The following ADTRP variants were observed in gnomAD, a reference collection of about 807,000 sequenced individuals.
ADTRP encodes androgen dependent TFPI regulating protein.
ADTRP carries 20 observed loss-of-function variants against 27.0 expected under a neutral mutation model. That is an observed-to-expected ratio of 0.74 (90% CI 0.52 to 1.08). The LOEUF (loss-of-function observed/expected upper bound fraction) is 1.08, where lower values mean the gene tolerates loss of function less well. Ranked by LOEUF, ADTRP falls within the 50% of genes least tolerant of loss-of-function variation. The pLI is 0.00. For missense variants in ADTRP, 251 were observed against 275.0 expected (o/e 0.91, Z 0.62); for synonymous variants, 101 against 105.2 (o/e 0.96, Z 0.25).
chr6:11,756,602 G>A (rs1284321273), intron 3 of ADTRP, among the ~76,000 whole-genome samples: 1 of 152,144 alleles, frequency 6.6e-6, no homozygotes, highest in Non-Finnish European at 1.5e-5. Context: ...GTGAGTTAAG[G>A]AATAGAGTAA....
intron 5 of ADTRP, among the ~76,000 whole-genome samples, 189 bp from the exon 6 acceptor site, chr6:11,714,701 C>T (rs552338011): frequency 1.3e-4 from 20 of 152,210 alleles, no homozygotes; most frequent in African/African-American, 4.8e-4. Flanking sequence ...GAGAACAACT[C>T]TGCCGTCCTC....
At chr6:11,751,518 C>T (rs1314285385) in intron 3 of ADTRP, among the ~76,000 whole-genome samples, 1 of 152,122 alleles carries the variant, frequency 6.6e-6, no homozygotes, top group Non-Finnish European at 1.5e-5. Context: ...CCCCTCACCC[C>T]CCAACACTCC....
intron 3 of ADTRP, among the ~76,000 whole-genome samples, chr6:11,750,276 C>A (rs969250569): frequency 6.6e-6 from 1 of 152,176 alleles, no homozygotes; most frequent in African/African-American, 2.4e-5. Context: ...TGGTTAAATC[C>A]CTGAATGGCG....
chr6:11,741,923 TCA>T (rs1762732411), intron 3 of ADTRP, among the ~76,000 whole-genome samples: 1 of 152,102 alleles, frequency 6.6e-6, no homozygotes, highest in Non-Finnish European at 1.5e-5. Flanking sequence ...CACTCAAACT[TCA>T]TTCACTTTTC....
intron 3 of ADTRP, among the ~76,000 whole-genome samples, chr6:11,763,146 A>G (rs1763446538): frequency 1.3e-5 from 2 of 152,242 alleles, no homozygotes; most frequent in South Asian, 2.1e-4. Context: ...TGAATACACA[A>G]CAAAGGCAGG....
At chr6:11,726,719 G>A (rs185525858) in intron 4 of ADTRP, among the ~76,000 whole-genome samples, 2 of 152,352 alleles carry the variant, frequency 1.3e-5, no homozygotes, top group African/African-American at 2.4e-5. Flanking sequence ...TTCTGGAGAT[G>A]GATGGTGGTG....
chr6:11,735,531 G>T, intron 4 of ADTRP, 37 bp downstream of exon 4: 2 of 1,520,486 alleles, frequency 1.3e-6, no homozygotes, highest in South Asian at 2.3e-5. Flanking sequence ...GGTCTTGAAC[G>T]ACAAGCCTAA....
intron 5 of ADTRP, chr6:11,717,401 G>T (rs1432104227): frequency 2.3e-6 from 3 of 1,304,056 alleles, no homozygotes; most frequent in African/African-American, 1.5e-5. Flanking sequence ...ATCTTTGCAA[G>T]ATCTGAACAG....
At chr6:11,746,344 C>T (rs1480481058) in intron 3 of ADTRP, among the ~76,000 whole-genome samples, 4 of 152,166 alleles carry the variant, frequency 2.6e-5, no homozygotes, top group Non-Finnish European at 5.9e-5. Flanking sequence ...GGAGAAAGCG[C>T]TGTGGAGACA....
chr6:11,715,188 T>G (rs996017208), intron 5 of ADTRP, among the ~76,000 whole-genome samples: 8 of 128,254 alleles, frequency 6.2e-5, no homozygotes, highest in African/African-American at 2.8e-4. Flanking sequence ...CAATGCTACT[T>G]TAAAAACTTC....
At chr6:11,726,022 G>T (rs1037175855) in intron 4 of ADTRP, among the ~76,000 whole-genome samples, 23 of 152,008 alleles carry the variant, frequency 1.5e-4, no homozygotes, top group African/African-American at 5.6e-4. Context: ...ACTGATAGAT[G>T]AATGGATAAA....
Position 11,768,231 on chromosome 6 carries a change from C to T in ADTRP, c.288+18G>A, listed in dbSNP as rs1158321386. 13 of 1,613,764 alleles carry T rather than the reference C, an allele frequency of 8.1e-6. No homozygotes were observed. Among genetic ancestry groups the T allele is most frequent in the Admixed American group, 3.3e-5 (2 of 59,980 alleles). On this transcript the variant is annotated intron_variant, in intron 2 of 5. Coordinates refer to ENST00000414691, the MANE Select transcript of ADTRP (RefSeq NM_032744.4). ...ATGCACATTTCTGTTAGATTATGTA[C>T]ACATCTTTGAAACTTACCGTGGATA...
chr6:11,740,990 T>C (rs559819310), intron 3 of ADTRP, among the ~76,000 whole-genome samples: 3 of 152,272 alleles, frequency 2.0e-5, no homozygotes, highest in Non-Finnish European at 4.4e-5. Context: ...TAAAGAGAAT[T>C]GGGTTTGTAA....
chr6:11,744,655 G>A (rs1041194812), intron 3 of ADTRP, among the ~76,000 whole-genome samples: 2 of 152,164 alleles, frequency 1.3e-5, no homozygotes, highest in Non-Finnish European at 2.9e-5. Context: ...TCATCAATCT[G>A]TAATTCACCC....
intron 3 of ADTRP, among the ~76,000 whole-genome samples, chr6:11,752,169 CT>C (rs1349993060): frequency 3.9e-5 from 6 of 152,082 alleles, no homozygotes; most frequent in African/African-American, 1.4e-4. Flanking sequence ...TTTTATTCTG[CT>C]TTATTTTAGT....
intron 3 of ADTRP, among the ~76,000 whole-genome samples, chr6:11,757,132 A>G (rs1763236182): frequency 6.6e-6 from 1 of 152,258 alleles, no homozygotes; most frequent in Non-Finnish European, 1.5e-5. Flanking sequence ...GAATAAAGGA[A>G]AAATAATATA....
intron 5 of ADTRP, among the ~76,000 whole-genome samples, chr6:11,722,736 G>A (rs150714946): frequency 2.0e-5 from 3 of 152,234 alleles, no homozygotes; most frequent in East Asian, 3.9e-4. Flanking sequence ...AGAAGCAACA[G>A]GATTGTACCC....
intron 3 of ADTRP, among the ~76,000 whole-genome samples, chr6:11,756,334 AAATAATAATAAT>A (rs58098801): frequency 6.6e-6 from 1 of 150,956 alleles, no homozygotes; most frequent in South Asian, 2.1e-4. Context: ...ACTGTGTCTC[AAATAATAATAAT>A]AATAATAATA....
At chr6:11,734,655 T>C (rs186594750) in intron 4 of ADTRP, among the ~76,000 whole-genome samples, 13 of 152,288 alleles carry the variant, frequency 8.5e-5, no homozygotes, top group African/African-American at 3.1e-4. Flanking sequence ...AGACAGAGGC[T>C]GGTCGAGTCC....
Sources: allele counts gnomAD v4.1 joint callset (sites outside exome capture counted in the v4.1 genomes callset), GRCh38; gene constraint gnomAD v4.1.1; transcripts MANE v1.5; gene names NCBI Gene and HGNC (gene_info 2026-07-23, HGNC 2026-07-21).